The following CRB1 variants were observed in gnomAD, a reference collection of about 807,000 sequenced individuals.
CRB1 encodes protein crumbs homolog 1.
Under a neutral mutation model 120.0 loss-of-function variants are expected in CRB1, and 83 were observed. That is an observed-to-expected ratio of 0.69 (90% CI 0.58 to 0.83). The LOEUF (loss-of-function observed/expected upper bound fraction) is 0.83, where lower values mean the gene tolerates loss of function less well. CRB1 is among the 40% of genes least tolerant of loss of function. The pLI is 0.00. For missense variants in CRB1, 1,699 were observed against 1,687.6 expected (o/e 1.01, Z -0.12); for synonymous variants, 625 against 612.5 (o/e 1.02, Z -0.30).
At chr1:197,296,871 C>A (rs1028870453) in intron 1 of CRB1, among the ~76,000 whole-genome samples, 1 of 152,034 alleles carries the variant, frequency 6.6e-6, no homozygotes, top group African/African-American at 2.4e-5. Context: ...TAAGACGTCC[C>A]TTTTGCCTTC....
Position 197,328,942 on chromosome 1 carries a change from C to T in CRB1, c.591C>T (p.Asn197=), listed in dbSNP as rs770973303. 32 of 1,614,056 alleles carry T rather than the reference C, an allele frequency of 2.0e-5. No individual in the cohort carries two copies. Among genetic ancestry groups the T allele is most frequent in the African/African-American group, 8.0e-5 (6 of 74,932 alleles). ...AATGTGCTTCAGATCCCTGCAAGAA[C>T]GAGGCTACATGCCTCAATGAAATAG... is the stretch of plus-strand genomic sequence containing the variant. ...VDECASDPCK[N]EATCLNEIGR... Residue 197 remains asparagine, a synonymous_variant, in exon 2 of 12, where the codon AAC becomes AAT. Transcript: ENST00000367400.
intron 6 of CRB1, 82 bp from the exon 7 acceptor site, chr1:197,427,371 AT>A: frequency 8.8e-7 from 1 of 1,135,960 alleles, no homozygotes. Flanking sequence ...GAAATGTATA[AT>A]TTTCGTCTTC....
chr1:197,446,686 T>A (rs960780483), intron 11 of CRB1, among the ~76,000 whole-genome samples: 5 of 152,156 alleles, frequency 3.3e-5, no homozygotes, highest in African/African-American at 9.7e-5. Flanking sequence ...GCTGCAGTGA[T>A]AAAGAAAGAA....
upstream of CRB1, among the ~76,000 whole-genome samples, chr1:197,263,727 G>C (rs555484864): frequency 8.6e-5 from 13 of 151,706 alleles, no homozygotes; most frequent in South Asian, 2.7e-3. Context: ...TATTTTCCGT[G>C]TCTCTTTATT....
At chr1:197,406,446 C>T (rs1207550638) in intron 5 of CRB1, among the ~76,000 whole-genome samples, 1 of 152,142 alleles carries the variant, frequency 6.6e-6, no homozygotes, top group Non-Finnish European at 1.5e-5. Context: ...TGCGGAGGGC[C>T]GCAGGGTCCT....
Position 197,328,986 on chromosome 1 carries a change from G to T in CRB1, c.635G>T (p.Cys212Phe), listed in dbSNP as rs1658699227. Residue 212 changes from cysteine (C) to phenylalanine (F), a missense_variant, in exon 2 of 12, where the codon TGT (cysteine) becomes TTT (phenylalanine). Physicochemically the swap from Cys to Phe is radical, Grantham distance 205 (BLOSUM62 -2). Coordinates refer to ENST00000367400, the MANE Select transcript of CRB1 (RefSeq NM_201253.3). ...GAAATAGGAAGATATACTTGTATCT[G>T]TCCCCACAATTATTCTGGTAAGTGT... is the stretch of plus-strand genomic sequence containing the variant. ...LNEIGRYTCI[C>F]PHNYSGVNCE... 1.2e-6 allele frequency: 2 copies of T among 1,612,506 alleles called. No homozygotes were observed. The highest frequency in any genetic ancestry group is 1.7e-5 in the Admixed American group (1 of 59,998).
At chr1:197,424,785 CATCTTGTTGT>C (rs1429290040) in intron 6 of CRB1, among the ~76,000 whole-genome samples, 1 of 152,146 alleles carries the variant, frequency 6.6e-6, no homozygotes, top group East Asian at 1.9e-4. Context: ...TGTTAAATTT[CATCTTGTTGT>C]ATTCCATCAA....
At chr1:197,452,626 T>C (rs1440337529) in intron 11 of CRB1, among the ~76,000 whole-genome samples, 2 of 152,176 alleles carry the variant, frequency 1.3e-5, no homozygotes, top group Non-Finnish European at 2.9e-5. Context: ...GAAGGGCTAG[T>C]TACCTGCCCC....
chr1:197,262,786 T>A, the CRB1 span, among the ~76,000 whole-genome samples: 1 of 152,184 alleles, frequency 6.6e-6, no homozygotes, highest in African/African-American at 2.4e-5. Context: ...AGTATTTGAT[T>A]TTTCTCTTCC....
At chr1:197,453,250 A>G (rs1377097313) in intron 11 of CRB1, among the ~76,000 whole-genome samples, 1 of 148,686 alleles carries the variant, frequency 6.7e-6, no homozygotes, top group Admixed American at 6.8e-5. Context: ...TCATTAAATA[A>G]GTATGTGTGT....
Position 197,315,258 on chromosome 1 carries a change from A to G in CRB1, c.71-13164A>G, listed in dbSNP as rs530279981. 1.1e-4 allele frequency among the ~76,000 whole-genome samples: 16 copies of G among 152,264 alleles called. No homozygotes were observed. The South Asian group carries it at 3.3e-3, about 32-fold the overall frequency. On this transcript the variant is annotated intron_variant, in intron 1 of 11. Transcript: ENST00000367400. ...ACTAGCTACCCTGTCATTCCATCAC[A>G]ATGGCCAAACTAGTTTGGTTTCACA... is the stretch of plus-strand genomic sequence containing the variant.
rs115926530 is a variant in CRB1, at chr1:197,433,793, G to T, written c.2843-913G>T. On this transcript the variant is annotated intron_variant, in intron 8 of 11. Coordinates refer to ENST00000367400, the MANE Select transcript of CRB1 (RefSeq NM_201253.3). ...AAAAGGTGAAAAGCAGTAGGACCCA[G>T]TTTATAACTGGTAGAGTTGACCTTG... Among the ~76,000 whole-genome samples, 965 of 152,272 alleles carry T rather than the reference G, an allele frequency of 6.3e-3. 7 individuals are homozygous for T. The highest frequency in any genetic ancestry group is 0.01 in the Non-Finnish European group (701 of 68,008).
At chr1:197,247,445 A>T in the CRB1 span, among the ~76,000 whole-genome samples, 5 of 152,074 alleles carry the variant, frequency 3.3e-5, no homozygotes, top group African/African-American at 1.2e-4. Flanking sequence ...AAGAACACCA[A>T]ACCAATAGTA....
At chr1:197,385,389 A>G (rs1451231891) in intron 5 of CRB1, among the ~76,000 whole-genome samples, 4 of 152,156 alleles carry the variant, frequency 2.6e-5, no homozygotes, top group Admixed American at 1.3e-4. Flanking sequence ...ATATTCTATC[A>G]GGAAACTATA....
the CRB1 span, among the ~76,000 whole-genome samples, chr1:197,254,497 C>A: frequency 6.6e-6 from 1 of 151,928 alleles, no homozygotes; most frequent in Non-Finnish European, 1.5e-5. Flanking sequence ...ATGTTTTTTT[C>A]ATATCGTCTC....
intron 5 of CRB1, among the ~76,000 whole-genome samples, chr1:197,369,256 A>G (rs900035666): frequency 6.6e-6 from 1 of 152,182 alleles, no homozygotes; most frequent in Non-Finnish European, 1.5e-5. Flanking sequence ...ATGATTAATT[A>G]TAGCTCTTTT....
At chr1:197,420,541 A>G (rs1664250783) in intron 5 of CRB1, among the ~76,000 whole-genome samples, 1 of 152,210 alleles carries the variant, frequency 6.6e-6, no homozygotes, top group Non-Finnish European at 1.5e-5. Context: ...ATGGGGAAGT[A>G]TAAACAAGAT....
chr1:197,406,165 C>A (rs1026142057), intron 5 of CRB1, among the ~76,000 whole-genome samples: 1 of 152,186 alleles, frequency 6.6e-6, no homozygotes, highest in Non-Finnish European at 1.5e-5. Flanking sequence ...ATTGAGAAAT[C>A]GGATGGTTGC....
intron 1 of CRB1, among the ~76,000 whole-genome samples, chr1:197,324,340 A>G (rs995159469): frequency 3.9e-5 from 6 of 152,212 alleles, no homozygotes; most frequent in African/African-American, 1.4e-4. Context: ...CTAAGCACCA[A>G]CTATGTACAT....
Sources: gnomAD v4.1 joint callset for allele counts (sites outside exome capture counted in the v4.1 genomes callset) on GRCh38, gnomAD v4.1.1 for gene constraint, MANE v1.5 for transcripts, NCBI Gene and HGNC (gene_info 2026-07-23, HGNC 2026-07-21) for gene names.